Variants in USP24 observed in about 807,000 individuals in gnomAD.
USP24 encodes ubiquitin specific peptidase 24.
Under a neutral mutation model 361.6 loss-of-function variants are expected in USP24, and 97 were observed. The observed-to-expected ratio is 0.27, with a 90% CI of 0.23 to 0.32. The LOEUF (loss-of-function observed/expected upper bound fraction) is 0.32. Among genes scored for constraint, USP24 ranks in the 10% least tolerant of loss-of-function variants. USP24 has a pLI of 1.00. For missense variants in USP24, 2,353 were observed against 3,165.6 expected, an observed-to-expected ratio of 0.74 and a Z score of 6.16; for synonymous variants, 1,098 against 1,124.6, an observed-to-expected ratio of 0.98 and a Z score of 0.47.
intron 1 of USP24, among the ~76,000 whole-genome samples, chr1:55,213,582 G>A (rs1309771952): frequency 6.6e-6 from 1 of 152,092 alleles, no homozygotes; most frequent in Non-Finnish European, 1.5e-5. Context: ...ACCTAATAAC[G>A]CAATCCCAAT....
At chr1:55,101,928 G>A (rs1272642355) in intron 42 of USP24, among the ~76,000 whole-genome samples, 1 of 152,006 alleles carries the variant, frequency 6.6e-6, no homozygotes, top group Non-Finnish European at 1.5e-5. Context: ...TAAAATACCT[G>A]GCAGATAGGT....
At position 55,090,602 on chromosome 1, in the gene USP24, G is replaced by A. The variant is rs561755535; in HGVS notation, c.6555-862C>T. ...GGAGAAGCTCACTTTGCTAGTGAGA[G>A]GGAAAAGACTGGGAACTTAAGTAGT... is the stretch of plus-strand genomic sequence containing the variant. On this transcript the variant is annotated intron_variant, in intron 54 of 67. Coordinates refer to ENST00000294383, the MANE Select transcript of USP24 (RefSeq NM_015306.3). Among the ~76,000 whole-genome samples, 7 of 152,310 alleles carry A rather than the reference G, an allele frequency of 4.6e-5. No individual in the cohort carries two copies. In the East Asian group the frequency reaches 1.4e-3, roughly 29 times the overall value.
Position 55,097,711 on chromosome 1 carries a change from T to C in USP24, c.5602A>G (p.Thr1868Ala), listed in dbSNP as rs1411256777. 10 of 1,542,638 alleles carry C rather than the reference T, an allele frequency of 6.5e-6. No individual in the cohort carries two copies. The highest frequency in any genetic ancestry group is 2.3e-5 in the Admixed American group (1 of 44,292). Residue 1868 changes from threonine (T) to alanine (A), a missense_variant, in exon 48 of 68, where the codon ACA becomes GCA. Thr to Ala is a moderately conservative substitution (Grantham distance 58, BLOSUM62 0). This residue lies in a region of USP24 where 105 missense variants were observed against 200.3 expected (regional missense o/e 0.52). Transcript: ENST00000294383. ...GATTTAATACAGGTCCTTTTCACTGTTATTCTCTAAAGAAAAAAAAAAGGA... is the reference window on the plus strand; with the variant it reads ...GATTTAATACAGGTCCTTTTCACTGCTATTCTCTAAAGAAAAAAAAAAGGA... Reference protein sequence around the residue: ...YCEKCKEKRITVKRTCIKSLP... With the variant: ...YCEKCKEKRIAVKRTCIKSLP...
rs115873733 is a variant in USP24, at chr1:55,184,719, A to C, written c.325-6587T>G. On this transcript the variant is annotated intron_variant, in intron 1 of 67. Coordinates refer to ENST00000294383, the MANE Select transcript of USP24 (RefSeq NM_015306.3). ...GCCTCAACAATTTAAAAGAAGTGAA[A>C]TCATACCAAATATGTTGTCTGACTG... is the stretch of plus-strand genomic sequence containing the variant. Among the ~76,000 whole-genome samples, 510 of 152,274 alleles carry C rather than the reference A, an allele frequency of 3.3e-3. 4 individuals are homozygous for C. The highest frequency in any genetic ancestry group is 0.012 in the African/African-American group (496 of 41,550).
intron 1 of USP24, among the ~76,000 whole-genome samples, chr1:55,184,662 C>T (rs1644076945): frequency 6.6e-6 from 1 of 152,082 alleles, no homozygotes; most frequent in Admixed American, 6.6e-5. Context: ...AAATATTCTC[C>T]AAGATAGAGC....
At chr1:55,151,949 T>C in intron 16 of USP24, 2 of 985,750 alleles carry the variant, frequency 2.0e-6, no homozygotes, top group Non-Finnish European at 2.4e-6. Context: ...CAGGGAGACA[T>C]AATCCCCAGT....
intron 28 of USP24, among the ~76,000 whole-genome samples, chr1:55,136,084 A>C (rs1646726472): frequency 6.6e-6 from 1 of 152,198 alleles, no homozygotes; most frequent in Admixed American, 6.5e-5. Context: ...TAGTATGCTA[A>C]AGAAAAAATA....
In USP24 at chr1:55,075,521, A is replaced by G. The variant is rs1157414558; in HGVS notation, c.7383T>C (p.Val2461=). The G allele has an allele frequency of 3.7e-5, 59 of 1,594,422 alleles. No individual in the cohort carries two copies. Among genetic ancestry groups the G allele is most frequent in the Non-Finnish European group, 4.8e-5 (56 of 1,171,740 alleles). Reference sequence around the variant, plus strand: ...GCTCTACTTGTATAGGATCTTCAATAACCTGGGAAAGGAAGAAACAAAAAT... The same window carrying G: ...GCTCTACTTGTATAGGATCTTCAATGACCTGGGAAAGGAAGAAACAAAAAT... ...NTFQLLHEIL[V]IEDPIQVERV... is the part of the protein sequence containing the mutation. The change falls in exon 63 of 68, where the codon GTT becomes GTC. Residue 2461 remains valine (V), a splice_region_variant and synonymous_variant. Coordinates refer to ENST00000294383, the MANE Select transcript of USP24 (RefSeq NM_015306.3).
chr1:55,117,525 G>A (rs941136486), intron 38 of USP24, among the ~76,000 whole-genome samples: 2 of 150,852 alleles, frequency 1.3e-5, no homozygotes, highest in African/African-American at 2.4e-5. Flanking sequence ...TCAGGAGATC[G>A]AGACCATCCT....
chr1:55,069,547 GA>G (rs1479399656), intron 67 of USP24, among the ~76,000 whole-genome samples: 5 of 152,212 alleles, frequency 3.3e-5, no homozygotes, highest in Middle Eastern at 3.4e-3. Flanking sequence ...CACACTTGGC[GA>G]ATCGTTCTGA....
chr1:55,072,048 A>T, intron 66 of USP24, 124 bp from the exon 67 acceptor site: 1 of 871,656 alleles, frequency 1.1e-6, no homozygotes. Flanking sequence ...TGAGGCCTTC[A>T]TCACAGTCAC....
At chr1:55,113,542 A>C (rs747154519) in intron 38 of USP24, among the ~76,000 whole-genome samples, 1 of 152,212 alleles carries the variant, frequency 6.6e-6, no homozygotes, top group African/African-American at 2.4e-5. Context: ...TGAGGACAGC[A>C]TCTTCCTGAT....
intron 1 of USP24, among the ~76,000 whole-genome samples, chr1:55,186,641 G>A (rs1389334269): frequency 6.6e-6 from 1 of 152,190 alleles, no homozygotes; most frequent in Non-Finnish European, 1.5e-5. Context: ...AAGATATTAT[G>A]CCAAGTGAAA....
intron 38 of USP24, among the ~76,000 whole-genome samples, chr1:55,118,937 G>A (rs1388889030): frequency 1.3e-5 from 2 of 152,242 alleles, no homozygotes; most frequent in African/African-American, 4.8e-5. Context: ...TGGCTAAGAT[G>A]TGGAGAAATG....
chr1:55,075,454 T>G lies in USP24; in HGVS notation c.7447+3A>C. On this transcript the variant is annotated splice_donor_region_variant and intron_variant, in intron 63 of 67. Coordinates refer to ENST00000294383, the MANE Select transcript of USP24 (RefSeq NM_015306.3). ...ATTTGTGCATAAGACCAGGCATACT[T>G]GCCTAGTAATCCATTTTCTGTCTCA... The G allele has an allele frequency of 6.3e-7, 1 of 1,599,534 alleles. No homozygotes were observed. The highest frequency in any genetic ancestry group is 8.5e-7 in the Non-Finnish European group (1 of 1,172,658).
chr1:55,144,279 T>A, intron 20 of USP24, 76 bp from the exon 21 acceptor site: 3 of 974,578 alleles, frequency 3.1e-6, no homozygotes, highest in Non-Finnish European at 4.4e-6. Context: ...TCAAAGTGGA[T>A]CAAGAACTAA....
chr1:55,130,304 T>C (rs1482489183), intron 31 of USP24, among the ~76,000 whole-genome samples: 1 of 152,212 alleles, frequency 6.6e-6, no homozygotes, highest in Non-Finnish European at 1.5e-5. Context: ...TTGTCCTAGT[T>C]TTCTCATCAC....
intron 24 of USP24, 146 bp from the exon 25 acceptor site, chr1:55,139,156 C>T: frequency 1.5e-6 from 1 of 684,616 alleles, no homozygotes; most frequent in South Asian, 2.2e-5. Context: ...TTCCCTTTTA[C>T]CCAATGGGGA....
At chr1:55,174,420 A>T (rs1343160134) in intron 3 of USP24, among the ~76,000 whole-genome samples, 4 of 152,244 alleles carry the variant, frequency 2.6e-5, no homozygotes, top group African/African-American at 9.6e-5. Context: ...CCTTTTTAAT[A>T]GCTCTAAAGT....
Sources: gnomAD v4.1 joint callset for allele counts (sites outside exome capture counted in the v4.1 genomes callset) on GRCh38, gnomAD v4.1.1 for gene constraint, gnomAD v4.1.1 regional missense constraint, MANE v1.5 for transcripts, NCBI Gene and HGNC (gene_info 2026-07-23, HGNC 2026-07-21) for gene names.